Variants in ALK observed in about 807,000 individuals in gnomAD.
ALK encodes the protein ALK tyrosine kinase receptor.
A neutral mutation model predicts 163.1 loss-of-function variants in ALK; 74 were observed. The observed-to-expected ratio is 0.45, with a 90% CI of 0.38 to 0.55. The LOEUF (loss-of-function observed/expected upper bound fraction) is 0.55, where lower values mean the gene tolerates loss of function less well. Ranked by LOEUF, ALK falls within the 20% of genes least tolerant of loss-of-function variation. The probability of loss-of-function intolerance (pLI) is 0.00; values close to 1 mark genes in which losing one functional copy is unlikely to be tolerated. For synonymous variants in ALK, 960 were observed against 843.2 expected (o/e 1.14, Z -2.40); for missense variants, 2,063 against 2,105.3 (o/e 0.98, Z 0.39).
At chr2:29,856,759 A>AGGG (rs1409513368) in intron 1 of ALK, among the ~76,000 whole-genome samples, 1 of 152,204 alleles carries the variant, frequency 6.6e-6, no homozygotes, top group African/African-American at 2.4e-5. Context: ...TGGGTGAAGG[A>AGGG]GAAAAGAAAC....
chr2:29,822,616 T>C (rs1371714473), intron 1 of ALK, among the ~76,000 whole-genome samples: 1 of 152,246 alleles, frequency 6.6e-6, no homozygotes, highest in Non-Finnish European at 1.5e-5. Context: ...TTGGCCTCTC[T>C]GAGCCTCAGT....
At chr2:29,801,134 C>T (rs72854264) in intron 1 of ALK, among the ~76,000 whole-genome samples, 194 of 152,312 alleles carry the variant, frequency 1.3e-3, no homozygotes, top group African/African-American at 4.5e-3. Context: ...GGAATATGCT[C>T]CCCTACCTAG....
At position 29,633,785 on chromosome 2, in the gene ALK, C is replaced by A. The variant is rs554766289; in HGVS notation, c.952+61065G>T. ...AAGCGTAATAAGGGAATACTACAAA[C>A]AATTCTACACGTATACATTTAACAA... On this transcript the variant is annotated intron_variant, in intron 3 of 28. Transcript: ENST00000389048. Among the ~76,000 whole-genome samples the A allele has an allele frequency of 3.8e-4, 58 of 152,284 alleles. No individual in the cohort carries two copies. In the East Asian group the frequency reaches 5.4e-3, roughly 14 times the overall value.
At position 29,547,185 on chromosome 2, in the gene ALK, T is replaced by G. The variant is rs142515650; in HGVS notation, c.953-15069A>C. Among the ~76,000 whole-genome samples, 15 of 152,346 alleles carry G rather than the reference T, an allele frequency of 9.8e-5. No homozygotes were observed. In the East Asian group the frequency reaches 2.9e-3, roughly 29 times the overall value. On this transcript the variant is annotated intron_variant, in intron 3 of 28. Coordinates refer to ENST00000389048, the MANE Select transcript of ALK (RefSeq NM_004304.5). Reference sequence around the variant, plus strand: ...CTTTTCACTTCAGGTCTAAACTTCCTCCTCATACATTCTACACACAGAAGT... The same window carrying G: ...CTTTTCACTTCAGGTCTAAACTTCCGCCTCATACATTCTACACACAGAAGT...
intron 1 of ALK, among the ~76,000 whole-genome samples, chr2:29,759,262 T>C (rs1680632139): frequency 6.6e-6 from 1 of 152,222 alleles, no homozygotes; most frequent in South Asian, 2.1e-4. Context: ...TGCCTTTCCG[T>C]TTAGTCAACT....
At chr2:29,688,407 C>A (rs531531378) in intron 3 of ALK, among the ~76,000 whole-genome samples, 2 of 152,112 alleles carry the variant, frequency 1.3e-5, no homozygotes, top group Non-Finnish European at 2.9e-5. Flanking sequence ...GAAAAGAAAA[C>A]CTTTGCTAAT....
intron 3 of ALK, among the ~76,000 whole-genome samples, chr2:29,542,439 T>C (rs1007906821): frequency 1.3e-5 from 2 of 152,188 alleles, no homozygotes; most frequent in African/African-American, 4.8e-5. Flanking sequence ...TTTATGTTAG[T>C]CCCACCATCC....
chr2:29,827,477 C>T (rs1257541392), intron 1 of ALK, among the ~76,000 whole-genome samples: 2 of 152,172 alleles, frequency 1.3e-5, no homozygotes, highest in African/African-American at 2.4e-5. Flanking sequence ...GCAGATTTTA[C>T]ATATTAGAGA....
At chr2:29,504,555 G>A (rs201026771) in intron 4 of ALK, among the ~76,000 whole-genome samples, 3 of 152,078 alleles carry the variant, frequency 2.0e-5, no homozygotes, top group Non-Finnish European at 4.4e-5. Context: ...GTGGGTAAGT[G>A]TATATTTTGG....
intron 4 of ALK, among the ~76,000 whole-genome samples, chr2:29,463,249 G>A (rs1055734158): frequency 5.3e-5 from 8 of 152,228 alleles, no homozygotes; most frequent in South Asian, 4.1e-4. Context: ...TAGTGCTTAC[G>A]TGCTCCCTTG....
At chr2:29,241,062 G>A (rs550716309) in intron 12 of ALK, among the ~76,000 whole-genome samples, 2 of 152,194 alleles carry the variant, frequency 1.3e-5, no homozygotes, top group Non-Finnish European at 2.9e-5. Context: ...AGGAACTGAG[G>A]TCTTCATGGA....
intron 1 of ALK, among the ~76,000 whole-genome samples, chr2:29,871,093 C>G (rs561952264): frequency 2.6e-5 from 4 of 152,262 alleles, no homozygotes; most frequent in Admixed American, 1.3e-4. Flanking sequence ...CTGGTCAACA[C>G]GCATGAACCT....
At chr2:29,576,534 ATGACTG>A (rs1400963362) in intron 3 of ALK, among the ~76,000 whole-genome samples, 1 of 152,148 alleles carries the variant, frequency 6.6e-6, no homozygotes, top group East Asian at 1.9e-4. Flanking sequence ...TCTCTGCCTG[ATGACTG>A]CTCTCAGTGA....
chr2:29,906,035 C>G (rs1280407898), intron 1 of ALK, among the ~76,000 whole-genome samples: 2 of 152,122 alleles, frequency 1.3e-5, no homozygotes, highest in South Asian at 2.1e-4. Flanking sequence ...TGCAACAACA[C>G]AGGTTTCCCA....
chr2:29,282,344 C>A (rs1665738242), intron 9 of ALK, among the ~76,000 whole-genome samples: 1 of 152,178 alleles, frequency 6.6e-6, no homozygotes, highest in Non-Finnish European at 1.5e-5. Context: ...AAAGCCCTGC[C>A]ACATCCCTCC....
At chr2:29,717,824 GA>G (rs1399187744) in intron 1 of ALK, 127 bp from the exon 2 acceptor site, 1 of 1,285,302 alleles carries the variant, frequency 7.8e-7, no homozygotes. Flanking sequence ...AGATGAGGGG[GA>G]AAAAATTGAG....
chr2:29,414,086 A>G (rs1669805116), intron 4 of ALK, among the ~76,000 whole-genome samples: 1 of 152,204 alleles, frequency 6.6e-6, no homozygotes, highest in Non-Finnish European at 1.5e-5. Context: ...TGAGCAATGC[A>G]TTGTGTTATG....
At chr2:29,809,389 C>T (rs189832799) in intron 1 of ALK, among the ~76,000 whole-genome samples, 2 of 152,246 alleles carry the variant, frequency 1.3e-5, no homozygotes, top group Admixed American at 1.3e-4. Context: ...ATCCTAATAG[C>T]AAGTAATAAG....
chr2:29,450,159 A>G (rs989399961), intron 4 of ALK, among the ~76,000 whole-genome samples: 3 of 152,106 alleles, frequency 2.0e-5, no homozygotes, highest in Non-Finnish European at 4.4e-5. Flanking sequence ...ACCTACCTTT[A>G]CCTACCTTCT....
Sources: allele counts gnomAD v4.1 joint callset (sites outside exome capture counted in the v4.1 genomes callset), GRCh38; gene constraint gnomAD v4.1.1; transcripts MANE v1.5; gene names NCBI Gene and HGNC (gene_info 2026-07-23, HGNC 2026-07-21).